The following LRRTM4 variants were observed in gnomAD, a reference collection of about 807,000 sequenced individuals.
LRRTM4 encodes the protein leucine rich repeat transmembrane neuronal 4, also known as leucine-rich repeat transmembrane neuronal protein 4.
A neutral mutation model predicts 47.6 loss-of-function variants in LRRTM4; 25 were observed. That is an observed-to-expected ratio of 0.53 (90% confidence interval 0.38 to 0.73). The LOEUF (loss-of-function observed/expected upper bound fraction) is 0.73, where lower values mean the gene tolerates loss of function less well. LRRTM4 is among the 30% of genes least tolerant of loss of function. LRRTM4 has a pLI of 0.00. For missense variants in LRRTM4, 638 were observed against 713.4 expected, an observed-to-expected ratio of 0.89 and a Z score of 1.20; for synonymous variants, 311 against 269.5, an observed-to-expected ratio of 1.15 and a Z score of -1.51.
In LRRTM4 at chr2:77,215,124, T is replaced by A. The variant is rs1041064713; in HGVS notation, c.1551+303194A>T. On this transcript the variant is annotated intron_variant, in intron 3 of 3. Transcript: ENST00000409884. ...ATGATCAATTAAGTACAATCTATAT[T>A]TTAAGAATAATCTTTCTTCATTTAA... Among the ~76,000 whole-genome samples the A allele has an allele frequency of 1.3e-5, 2 of 152,148 alleles. 1 individual carries two copies. Among genetic ancestry groups the A allele is most frequent in the Middle Eastern group, 6.3e-3 (2 of 316 alleles).
chr2:77,450,331 A>G (rs1053659509), intron 3 of LRRTM4, among the ~76,000 whole-genome samples: 31 of 151,604 alleles, frequency 2.0e-4, no homozygotes, highest in Admixed American at 2.0e-4. Flanking sequence ...ACACACACAT[A>G]CATATCTCAT....
At chr2:77,478,309 T>C (rs2104010251) in intron 3 of LRRTM4, among the ~76,000 whole-genome samples, 1 of 152,312 alleles carries the variant, frequency 6.6e-6, no homozygotes, top group Non-Finnish European at 1.5e-5. Context: ...TTAAAATTGG[T>C]AATTTATCCC....
intron 3 of LRRTM4, among the ~76,000 whole-genome samples, chr2:77,369,949 G>C (rs1672601277): frequency 6.6e-6 from 1 of 151,758 alleles, no homozygotes; most frequent in Non-Finnish European, 1.5e-5. Context: ...ATCATTGACT[G>C]AAAAGTTGTT....
At chr2:76,886,961 G>T (rs10192306) in intron 3 of LRRTM4, among the ~76,000 whole-genome samples, 1,631 of 151,912 alleles carry the variant, frequency 0.011, 35 homozygotes, top group African/African-American at 0.037. Flanking sequence ...ATAATACATT[G>T]ATTTTCATAT....
At chr2:77,265,633 T>A (rs1676030147) in intron 3 of LRRTM4, among the ~76,000 whole-genome samples, 1 of 152,116 alleles carries the variant, frequency 6.6e-6, no homozygotes, top group Non-Finnish European at 1.5e-5. Context: ...AAGACAGGAC[T>A]AATATAGACA....
Position 77,289,861 on chromosome 2 carries a change from G to A in LRRTM4, c.1551+228457C>T, listed in dbSNP as rs555654165. On this transcript the variant is annotated intron_variant, in intron 3 of 3. Coordinates refer to ENST00000409884, the MANE Select transcript of LRRTM4 (RefSeq NM_001134745.3). ...TACTGCCCATGTTTCTCAAAATAGTGTCCCTTTAGCCTTCCTCTTGGCCCC... is the reference window on the plus strand; with the variant it reads ...TACTGCCCATGTTTCTCAAAATAGTATCCCTTTAGCCTTCCTCTTGGCCCC... Among the ~76,000 whole-genome samples the A allele has an allele frequency of 5.9e-5, 9 of 152,062 alleles. No individual in the cohort carries two copies. In the East Asian group the frequency reaches 1.7e-3, roughly 29 times the overall value.
rs1166455733 is a variant in LRRTM4 at position 77,403,234 on chromosome 2, A to AT, written c.1551+115083dup. On this transcript the variant is annotated intron_variant, in intron 3 of 3. Coordinates refer to ENST00000409884, the MANE Select transcript of LRRTM4 (RefSeq NM_001134745.3). ...TTCCTATACTGACTTTTTAATACCT[A>AT]TTTTTTCCCACTGCCATCACCCGCA... Among the ~76,000 whole-genome samples, 7 of 151,822 alleles carry AT rather than the reference A, an allele frequency of 4.6e-5. No individual in the cohort carries two copies. In the East Asian group the frequency reaches 5.9e-4, roughly 13 times the overall value.
At chr2:77,402,514 C>A (rs1249882552) in intron 3 of LRRTM4, among the ~76,000 whole-genome samples, 1 of 151,976 alleles carries the variant, frequency 6.6e-6, no homozygotes. Context: ...AGCTGTCATG[C>A]ACACTGGCAT....
chr2:77,223,215 T>C (rs1182645676), intron 3 of LRRTM4, among the ~76,000 whole-genome samples: 3 of 151,910 alleles, frequency 2.0e-5, no homozygotes, highest in Non-Finnish European at 4.4e-5. Context: ...ATCTCAAAAA[T>C]ATAAGAGTTA....
At chr2:77,515,786 G>T (rs537880269) in intron 3 of LRRTM4, among the ~76,000 whole-genome samples, 1 of 151,818 alleles carries the variant, frequency 6.6e-6, no homozygotes, top group African/African-American at 2.4e-5. Flanking sequence ...TTTGTAGAGA[G>T]ATTTTGTCCA....
At chr2:77,505,126 G>A (rs1041754352) in intron 3 of LRRTM4, among the ~76,000 whole-genome samples, 13 of 150,898 alleles carry the variant, frequency 8.6e-5, no homozygotes, top group South Asian at 6.3e-4. Flanking sequence ...CAAAGTAAGC[G>A]CAATAGGAGC....
chr2:76,961,429 C>G (rs781463298), intron 3 of LRRTM4, among the ~76,000 whole-genome samples: 22 of 151,398 alleles, frequency 1.5e-4, no homozygotes, highest in Admixed American at 2.6e-4. Flanking sequence ...CATCGTCATT[C>G]CTGACTTTTG....
intron 3 of LRRTM4, among the ~76,000 whole-genome samples, chr2:76,860,677 T>C (rs1442925626): frequency 6.6e-6 from 1 of 152,126 alleles, no homozygotes; most frequent in Non-Finnish European, 1.5e-5. Context: ...TTCTTAATTC[T>C]GTAAAAGAGA....
At chr2:77,281,922 A>G (rs182303628) in intron 3 of LRRTM4, among the ~76,000 whole-genome samples, 4 of 152,020 alleles carry the variant, frequency 2.6e-5, no homozygotes, top group Admixed American at 2.0e-4. Context: ...TGTAAAAAAA[A>G]TCATTCACAT....
chr2:76,975,145 G>C (rs1042334435), intron 3 of LRRTM4, among the ~76,000 whole-genome samples: 51 of 151,776 alleles, frequency 3.4e-4, no homozygotes, highest in Non-Finnish European at 3.5e-4. Context: ...GTCTATTTAT[G>C]AGTAAAGAGC....
intron 3 of LRRTM4, among the ~76,000 whole-genome samples, chr2:76,976,933 G>A (rs1031100580): frequency 7.9e-5 from 12 of 151,556 alleles, no homozygotes; most frequent in African/African-American, 2.2e-4. Flanking sequence ...TACATGTGTC[G>A]AAATATCACT....
chr2:77,357,870 A>T (rs1672028746), intron 3 of LRRTM4, among the ~76,000 whole-genome samples: 1 of 152,170 alleles, frequency 6.6e-6, no homozygotes, highest in African/African-American at 2.4e-5. Context: ...GTAAAAAATA[A>T]TAGAAAAAAT....
chr2:76,901,226 AGT>A (rs949816289), intron 3 of LRRTM4, among the ~76,000 whole-genome samples: 45 of 152,022 alleles, frequency 3.0e-4, no homozygotes, highest in East Asian at 2.1e-3. Flanking sequence ...TACAGGCCCC[AGT>A]GTGTGTTGTT....
chr2:76,760,637 T>C (rs1673220230), intron 3 of LRRTM4, among the ~76,000 whole-genome samples: 1 of 152,112 alleles, frequency 6.6e-6, no homozygotes, highest in African/African-American at 2.4e-5. Flanking sequence ...GTGTATCCAA[T>C]TCACCCACAA....
Sources: gnomAD v4.1 joint callset for allele counts (sites outside exome capture counted in the v4.1 genomes callset) on GRCh38, gnomAD v4.1.1 for gene constraint, MANE v1.5 for transcripts, NCBI Gene and HGNC (gene_info 2026-07-23, HGNC 2026-07-21) for gene names.